Variants in SCAF11 observed in about 807,000 individuals in gnomAD.
The protein encoded by SCAF11 is protein SCAF11.
In SCAF11, 47 loss-of-function variants were observed where a neutral mutation model predicts 140.5. The observed-to-expected ratio is 0.33, with a 90% CI of 0.26 to 0.43. The LOEUF (loss-of-function observed/expected upper bound fraction) is 0.43, where lower values mean the gene tolerates loss of function less well. Among genes scored for constraint, SCAF11 ranks in the 20% least tolerant of loss-of-function variants. The pLI, the probability that SCAF11 is intolerant of heterozygous loss-of-function variation, is 1.00. For synonymous variants in SCAF11, 557 were observed against 579.4 expected (o/e 0.96, Z 0.55); for missense variants, 1,645 against 1,705.1 (o/e 0.96, Z 0.62).
chr12:45,975,049 A>G (rs1946203358), intron 1 of SCAF11: 1 of 152,214 alleles, frequency 6.6e-6, no homozygotes, highest in Non-Finnish European at 1.5e-5. Flanking sequence ...GTCAATAAGT[A>G]AGTACTATGT....
intron 1 of SCAF11, among the ~76,000 whole-genome samples, chr12:45,989,639 T>G (rs1946542303): frequency 6.6e-6 from 1 of 152,218 alleles, no homozygotes; most frequent in Admixed American, 6.5e-5. Flanking sequence ...TTCCTAGGTC[T>G]CAGAAGGGGC....
intron 1 of SCAF11, among the ~76,000 whole-genome samples, chr12:45,981,685 C>T (rs896908272): frequency 6.6e-6 from 1 of 152,050 alleles, no homozygotes; most frequent in Non-Finnish European, 1.5e-5. Context: ...GTACTAGGTA[C>T]TCTGGAGGCT....
chr12:45,961,703 T>C lies in SCAF11; in HGVS notation c.216A>G (p.Ala72=), dbSNP rs759689989. Reference sequence around the variant, plus strand: ...TACATTAATGTGTCAGACTTACCTCTGCCCATTTAAGAATACAAGTCATAC... The same window carrying C: ...TACATTAATGTGTCAGACTTACCTCCGCCCATTTAAGAATACAAGTCATAC... ...VFCMTCILKW[A]ETLASCPIDR... The change falls in exon 3 of 15, where the codon GCA becomes GCG. Residue 72 remains alanine (A), a synonymous_variant. Transcript: ENST00000369367. 1.1e-5 allele frequency: 17 copies of C among 1,609,744 alleles called. No homozygotes were observed. Among genetic ancestry groups the C allele is most frequent in the Non-Finnish European group, 1.0e-5 (12 of 1,178,208 alleles).
At chr12:45,963,158 C>A (rs1945864563) in intron 2 of SCAF11, among the ~76,000 whole-genome samples, 1 of 152,068 alleles carries the variant, frequency 6.6e-6, no homozygotes. Context: ...AACGGTCTAA[C>A]ATACTAATTG....
At chr12:45,989,411 T>G (rs1041749272) in intron 1 of SCAF11, among the ~76,000 whole-genome samples, 1 of 152,226 alleles carries the variant, frequency 6.6e-6, no homozygotes, top group Non-Finnish European at 1.5e-5. Context: ...TTAGCCAAAA[T>G]GTAATCCAAA....
intron 6 of SCAF11, among the ~76,000 whole-genome samples, chr12:45,937,772 C>T (rs1013040064): frequency 6.6e-6 from 1 of 152,192 alleles, no homozygotes; most frequent in Non-Finnish European, 1.5e-5. Context: ...CATCATTTGA[C>T]TTAATTTCCC....
intron 3 of SCAF11, among the ~76,000 whole-genome samples, chr12:45,957,586 G>C (rs1193163645): frequency 6.6e-6 from 1 of 152,070 alleles, no homozygotes; most frequent in Non-Finnish European, 1.5e-5. Flanking sequence ...TCATACTGAA[G>C]CTGTTGGCAT....
rs759746881 is a variant in SCAF11 at position 45,954,733 on chromosome 12, CT to C, written c.220-3007del. The C allele has an allele frequency of 3.2e-3, 297 of 93,894 alleles. 1 individual carries two copies. The highest frequency in any genetic ancestry group is 7.1e-3 in the Middle Eastern group (1 of 140). 5.8% of individuals were successfully genotyped at this position (93,894 alleles called of 1,614,324 possible). A position where few individuals can be genotyped will look rare whatever the true frequency, so the allele number is the denominator to read the frequency against. ...TACATGCATGTATCACCGTGCCTAG[CT>C]TTTTTTTTTTTTTTTTTTTTTAACT... On this transcript the variant is annotated intron_variant, in intron 3 of 14. Transcript: ENST00000369367.
rs1404361128 is a variant in SCAF11, at chr12:45,945,269, C to T, written c.443G>A (p.Cys148Tyr). 1.9e-6 allele frequency: 3 copies of T among 1,583,500 alleles called. No homozygotes were observed. Among genetic ancestry groups the T allele is most frequent in the Non-Finnish European group, 2.6e-6 (3 of 1,164,830 alleles). ...CTTACTATGTATCCACTTCAAGTCA[C>T]AAACTTTTGCACTTAATAGATCTTC... ...VREDLLSAKV[C>Y]DLKWIHRNSL... Residue 148 changes from cysteine to tyrosine, a missense_variant, in exon 6 of 15, where the codon TGT (cysteine) becomes TAT (tyrosine). By Grantham distance (194) the Cys-to-Tyr change is radical (BLOSUM62 -2). Transcript: ENST00000369367.
In SCAF11 at chr12:45,927,447, A is replaced by G. The variant is rs764549916; in HGVS notation, c.2254T>C (p.Cys752Arg). ...KQMNENSVTH[C>R]SENNMPSSDL... ...GAAGACGGCATATTATTTTCAGAACAGTGTGTCACAGAATTTTCATTCATT... is the reference window on the plus strand; with the variant it reads ...GAAGACGGCATATTATTTTCAGAACGGTGTGTCACAGAATTTTCATTCATT... The change falls in exon 11 of 15, where the codon TGT becomes CGT. Residue 752 changes from cysteine to arginine, a missense_variant. This residue lies in a region of SCAF11 where 1,582 missense variants were observed against 1,609.2 expected (regional missense o/e 0.98). Coordinates refer to ENST00000369367, the MANE Select transcript of SCAF11 (RefSeq NM_004719.3). The G allele has an allele frequency of 6.2e-7, 1 of 1,613,460 alleles. No homozygotes were observed. Among genetic ancestry groups the G allele is most frequent in the Admixed American group, 1.7e-5 (1 of 59,946 alleles).
chr12:45,928,096 T>G lies in SCAF11; in HGVS notation c.1605A>C (p.Ser535=), dbSNP rs746587766. 1 of 1,613,996 alleles carries G rather than the reference T, an allele frequency of 6.2e-7. No homozygotes were observed. The highest frequency in any genetic ancestry group is 1.1e-5 in the South Asian group (1 of 91,066). The change falls in exon 11 of 15, where the codon TCA becomes TCC. Residue 535 remains serine (S), a synonymous_variant. Transcript: ENST00000369367. ...CTGTACATACATCTGTCTTTACCTC[T>G]GATTGTGAAAGTCCAGATATCTGGT... ...KQDQISGLSQ[S]EVKTDVCTVH... is the part of the protein sequence containing the mutation.
At chr12:45,936,160 G>A (rs868859882) in intron 6 of SCAF11, among the ~76,000 whole-genome samples, 2 of 124,790 alleles carry the variant, frequency 1.6e-5, no homozygotes, top group Non-Finnish European at 3.4e-5. Flanking sequence ...TTTTTTTTTT[G>A]AAACAGAATC....
upstream of SCAF11, chr12:45,990,614 C>T (rs1295335801): frequency 4.9e-6 from 6 of 1,219,416 alleles, no homozygotes; most frequent in Non-Finnish European, 6.1e-6. Flanking sequence ...CCTCCCCTCC[C>T]CTCCCTGCGC....
rs190516931 is a variant in SCAF11, at chr12:45,922,543, A to G, written c.4165T>C (p.Leu1389=). 328 of 1,598,994 alleles carry G rather than the reference A, an allele frequency of 2.1e-4. 6 individuals carry two copies. In the East Asian group the frequency reaches 4.2e-3, roughly 21 times the overall value. ...TTTTGGTAAAATGGCTTGATGGCCA[A>G]TTTTACCTCTTGTGCTGCTTTTTCT... ...IQEKAAQEVK[L]AIKPFYQNKD... Residue 1389 remains leucine (L), a synonymous_variant, in exon 14 of 15, where the codon TTG becomes CTG. Transcript: ENST00000369367.
rs1183341370 is a variant in SCAF11, at chr12:45,926,205, C to G, written c.3496G>C (p.Gly1166Arg). The change falls in exon 11 of 15, where the codon GGC (glycine) becomes CGC (arginine). Residue 1166 changes from glycine (G) to arginine (R), a missense_variant. Coordinates refer to ENST00000369367, the MANE Select transcript of SCAF11 (RefSeq NM_004719.3). Reference protein sequence around the residue: ...ADVQNYYSRRGRNSSGPQSGW... With the variant: ...ADVQNYYSRRRRNSSGPQSGW... Reference sequence around the variant, plus strand: ...GACTGTGGACCTGAAGAATTTCTGCCTCGTCGTGAGTAGTAGTTTTGTACA... The same window carrying G: ...GACTGTGGACCTGAAGAATTTCTGCGTCGTCGTGAGTAGTAGTTTTGTACA... 2 of 1,614,156 alleles carry G rather than the reference C, an allele frequency of 1.2e-6. No homozygotes were observed. The highest frequency in any genetic ancestry group is 2.2e-5 in the East Asian group (1 of 44,892).
chr12:45,965,703 A>C (rs1160202788), intron 1 of SCAF11, among the ~76,000 whole-genome samples: 1 of 152,254 alleles, frequency 6.6e-6, no homozygotes, highest in Non-Finnish European at 1.5e-5. Flanking sequence ...TACGCACAAG[A>C]AATCCTTGAT....
chr12:45,936,397 C>A (rs1416530878), intron 6 of SCAF11, among the ~76,000 whole-genome samples: 3 of 152,306 alleles, frequency 2.0e-5, no homozygotes, highest in Admixed American at 1.3e-4. Context: ...CCACTTCGGC[C>A]TCCCAAAGTG....
chr12:45,969,584 T>C lies in SCAF11; in HGVS notation c.-21-5396A>G, dbSNP rs186776754. ...GTTATCAAGATCATTATTATTCTTA[T>C]TGTCAGAAACAACAGAGAAATAGGA... On this transcript the variant is annotated intron_variant, in intron 1 of 14. Transcript: ENST00000369367. Among the ~76,000 whole-genome samples the C allele has an allele frequency of 3.5e-3, 529 of 152,374 alleles. 3 individuals are homozygous for C. Among genetic ancestry groups the C allele is most frequent in the Non-Finnish European group, 6.2e-3 (422 of 68,034 alleles).
In SCAF11 at chr12:45,948,537, C is replaced by T. The variant is rs1264052594; in HGVS notation, c.298G>A (p.Val100Ile). The T allele has an allele frequency of 6.3e-7, 1 of 1,595,834 alleles. No homozygotes were observed. Among genetic ancestry groups the T allele is most frequent in the East Asian group, 2.2e-5 (1 of 44,622 alleles). ...KFSALEGYVK[V>I]QVKKQLRETK... The stretch of plus-strand genomic sequence containing the variant: ...TCTCTCAGCTGTTTTTTTACTTGAA[C>T]CTATGAGAAAAGCAAAATCAATTTA... Residue 100 changes from valine to isoleucine, a missense_variant and splice_region_variant, in exon 5 of 15, where the codon GTT becomes ATT. This residue lies in a region of SCAF11 where 1,582 missense variants were observed against 1,609.2 expected (regional missense o/e 0.98). Transcript: ENST00000369367.
Sources: gnomAD v4.1 joint callset for allele counts (sites outside exome capture counted in the v4.1 genomes callset) on GRCh38, gnomAD v4.1.1 for gene constraint, gnomAD v4.1.1 regional missense constraint, MANE v1.5 for transcripts, NCBI Gene and HGNC (gene_info 2026-07-23, HGNC 2026-07-21) for gene names.